CR1L: variants seen among roughly 807,000 people sequenced by gnomAD.
The protein encoded by CR1L is complement C3b/C4b receptor 1 like.
Under a neutral mutation model 62.3 loss-of-function variants are expected in CR1L, and 59 were observed. The ratio of observed to expected loss-of-function variants is 0.95; its 90% CI spans 0.77 to 1.18. The LOEUF (loss-of-function observed/expected upper bound fraction) is 1.18, where lower values mean the gene tolerates loss of function less well. Ranked by LOEUF, CR1L falls within the 50% of genes most tolerant of loss-of-function variation. The probability of loss-of-function intolerance (pLI) is 0.00; values close to 1 mark genes in which losing one functional copy is unlikely to be tolerated. For synonymous variants in CR1L, 279 were observed against 248.7 expected (o/e 1.12, Z -1.15); for missense variants, 700 against 702.8 (o/e 1.00, Z 0.04).
At chr1:207,705,960 G>A (rs1295194879) in intron 9 of CR1L, among the ~76,000 whole-genome samples, 2 of 150,430 alleles carry the variant, frequency 1.3e-5, no homozygotes, top group African/African-American at 4.9e-5. Flanking sequence ...TATGTAGTCA[G>A]TGTGTTTATA....
chr1:207,661,542 T>C (rs1174075113), intron 1 of CR1L, among the ~76,000 whole-genome samples: 1 of 152,216 alleles, frequency 6.6e-6, no homozygotes, highest in Admixed American at 6.5e-5. Context: ...TGTGTGTCTC[T>C]GCACATGAGA....
intron 5 of CR1L, among the ~76,000 whole-genome samples, chr1:207,696,209 C>T (rs1215668250): frequency 6.6e-6 from 1 of 152,182 alleles, no homozygotes; most frequent in Admixed American, 6.5e-5. Flanking sequence ...GCAGGAGCCA[C>T]CACAGCTGCC....
intron 3 of CR1L, among the ~76,000 whole-genome samples, chr1:207,683,322 A>G (rs536902248): frequency 5.8e-4 from 88 of 152,150 alleles, no homozygotes; most frequent in Non-Finnish European, 7.8e-4. Flanking sequence ...ATTTTTGTTG[A>G]GACAGGGTCT....
At position 207,708,200 on chromosome 1, in the gene CR1L, T is replaced by C. The variant is rs1280173013; in HGVS notation, c.1351T>C (p.Ser451Pro). ...TAGGCACCGACTCATTGGTCACTCA[T>C]CTGCTGAATGTATCCTCTCGGGCAA... The part of the protein sequence containing the change: ...TTGHRLIGHS[S>P]AECILSGNTA... Residue 451 changes from serine (S) to proline (P), a missense_variant, in exon 10 of 12, where the codon TCT becomes CCT. Transcript: ENST00000508064. 6.2e-7 allele frequency: 1 copy of C among 1,611,482 alleles called. No homozygotes were observed. The highest frequency in any genetic ancestry group is 2.2e-5 in the East Asian group (1 of 44,854).
intron 3 of CR1L, among the ~76,000 whole-genome samples, chr1:207,682,698 A>G (rs1032631367): frequency 1.3e-4 from 20 of 152,182 alleles, no homozygotes; most frequent in African/African-American, 4.8e-4. Flanking sequence ...CATGACTGTT[A>G]CTTGACATTG....
At position 207,723,680 on chromosome 1, in the gene CR1L, CT is replaced by C. The variant is rs1475160154; in HGVS notation, c.1708del (p.Ter570AsnfsTer?). 1 of 1,577,198 alleles carries C rather than the reference CT, an allele frequency of 6.3e-7. No homozygotes were observed. Among genetic ancestry groups the C allele is most frequent in the Admixed American group, 1.8e-5 (1 of 55,858 alleles). On this transcript the variant is annotated frameshift_variant, in exon 12 of 12. Coordinates refer to ENST00000508064, the MANE Select transcript of CR1L (RefSeq NM_175710.2). LOFTEE classifies it high-confidence loss of function. ...AGTGTTTGCTGAGGAATTCTGTCAT[CT>C]TTAACAGTAAGTACCTACTTATAAT... Reference protein sequence around the residue: ...YEVFAEEFCHL With the variant: ...YEVFAEEFCHX
chr1:207,721,377 A>G (rs992378445), intron 11 of CR1L, among the ~76,000 whole-genome samples: 22 of 125,242 alleles, frequency 1.8e-4, no homozygotes, highest in Admixed American at 1.4e-3. Context: ...AGAGTGTGAT[A>G]TTCCCCTTCC....
chr1:207,712,693 C>T (rs1331694017), intron 10 of CR1L, among the ~76,000 whole-genome samples: 1 of 152,206 alleles, frequency 6.6e-6, no homozygotes, highest in Non-Finnish European at 1.5e-5. Flanking sequence ...CTGAAGCCCC[C>T]AGATGTACAG....
chr1:207,652,641 T>C, intron 1 of CR1L: 1 of 1,233,270 alleles, frequency 8.1e-7, no homozygotes, highest in Non-Finnish European at 1.2e-6. Context: ...ATTATAAGTG[T>C]AAAAAAGGAC....
intron 11 of CR1L, among the ~76,000 whole-genome samples, chr1:207,720,468 G>A (rs1457595475): frequency 6.6e-6 from 1 of 152,152 alleles, no homozygotes; most frequent in Non-Finnish European, 1.5e-5. Flanking sequence ...ACATGCCATA[G>A]AGGGTTTTGA....
At chr1:207,683,556 C>G (rs1274853935) in intron 3 of CR1L, among the ~76,000 whole-genome samples, 1 of 152,138 alleles carries the variant, frequency 6.6e-6, no homozygotes, top group Non-Finnish European at 1.5e-5. Context: ...TATATGACAG[C>G]TTCCCTGCAC....
In CR1L at chr1:207,650,193, T is replaced by C. The variant is rs1453909032; in HGVS notation, c.97+4863T>C. 2.6e-5 allele frequency among the ~76,000 whole-genome samples: 4 copies of C among 152,212 alleles called. No individual in the cohort carries two copies. The South Asian group carries it at 8.3e-4, about 32-fold the overall frequency. Reference sequence around the variant, plus strand: ...TACCCAGCTAGGAGGCAGCTGGTTATCAGTGGTAATGAAGTCACAGAAGTG... The same window carrying C: ...TACCCAGCTAGGAGGCAGCTGGTTACCAGTGGTAATGAAGTCACAGAAGTG... On this transcript the variant is annotated intron_variant, in intron 1 of 11. Coordinates refer to ENST00000508064, the MANE Select transcript of CR1L (RefSeq NM_175710.2).
chr1:207,713,427 C>T (rs1207971371), intron 10 of CR1L, among the ~76,000 whole-genome samples: 1 of 152,228 alleles, frequency 6.6e-6, no homozygotes, highest in African/African-American at 2.4e-5. Flanking sequence ...TGTTTTGATG[C>T]AAGATTTTTC....
chr1:207,652,662 AC>A (rs1663239936), intron 1 of CR1L: 1 of 1,045,728 alleles, frequency 9.6e-7, no homozygotes, highest in African/African-American at 1.6e-5. Flanking sequence ...ACTTCTACGT[AC>A]CTCCTCTTGC....
intron 3 of CR1L, among the ~76,000 whole-genome samples, chr1:207,678,543 G>A (rs1021273962): frequency 2.0e-5 from 3 of 152,126 alleles, no homozygotes; most frequent in African/African-American, 7.2e-5. Flanking sequence ...TTCATTGGGT[G>A]GGAAGGAAGA....
chr1:207,723,470 G>T, intron 11 of CR1L, 148 bp from the exon 12 acceptor site: 1 of 632,868 alleles, frequency 1.6e-6, no homozygotes. Context: ...TAAAATGAGA[G>T]TATATGAGTG....
intron 1 of CR1L, among the ~76,000 whole-genome samples, chr1:207,654,353 G>A (rs891947721): frequency 2.0e-5 from 3 of 152,134 alleles, no homozygotes; most frequent in Non-Finnish European, 4.4e-5. Context: ...GAGCTTGCTA[G>A]GCACTATGAG....
At chr1:207,713,471 G>C (rs1653872326) in intron 10 of CR1L, among the ~76,000 whole-genome samples, 1 of 152,242 alleles carries the variant, frequency 6.6e-6, no homozygotes, top group South Asian at 2.1e-4. Context: ...CCTCTGGCCA[G>C]AAACATCCCT....
chr1:207,672,206 G>T (rs570469196), intron 1 of CR1L, among the ~76,000 whole-genome samples: 1 of 150,670 alleles, frequency 6.6e-6, no homozygotes, highest in Non-Finnish European at 1.5e-5. Flanking sequence ...CCATGCTAAT[G>T]CTAGTCACAG....
Sources: allele counts gnomAD v4.1 joint callset (sites outside exome capture counted in the v4.1 genomes callset), GRCh38; gene constraint gnomAD v4.1.1; transcripts MANE v1.5; gene names NCBI Gene and HGNC (gene_info 2026-07-23, HGNC 2026-07-21).